Variants in SETDB1 observed in about 807,000 individuals in gnomAD.
The protein encoded by SETDB1 is histone-lysine N-methyltransferase SETDB1.
Under a neutral mutation model 137.4 loss-of-function variants are expected in SETDB1, and 31 were observed. The ratio of observed to expected loss-of-function variants is 0.23; its 90% CI spans 0.17 to 0.30. The LOEUF is 0.30. Among genes scored for constraint, SETDB1 ranks in the 10% least tolerant of loss-of-function variants. SETDB1 has a pLI of 1.00. For missense variants in SETDB1, 1,113 were observed against 1,631.5 expected (o/e 0.68, Z 5.47); for synonymous variants, 548 against 579.9 (o/e 0.95, Z 0.79).
chr1:150,959,116 T>C, intron 14 of SETDB1, 62 bp from the exon 15 acceptor site: 1 of 1,186,406 alleles, frequency 8.4e-7, no homozygotes, highest in Admixed American at 3.0e-5. Context: ...ATAATAGTTT[T>C]ATGGATTTTT....
chr1:150,928,151 G>A (rs368049116), intron 2 of SETDB1, 177 bp downstream of exon 2: 22 of 645,068 alleles, frequency 3.4e-5, no homozygotes, highest in Non-Finnish European at 4.7e-5. Flanking sequence ...TCCACCTCTC[G>A]GGTTCAAGTG....
At chr1:150,951,597 A>G in intron 14 of SETDB1, 116 bp downstream of exon 14, 1 of 572,074 alleles carries the variant, frequency 1.7e-6, no homozygotes, top group East Asian at 2.9e-5. Flanking sequence ...ATAGAATACC[A>G]GATGAGGCAT....
intron 14 of SETDB1, among the ~76,000 whole-genome samples, chr1:150,953,186 G>C (rs587710426): frequency 6.6e-6 from 1 of 152,254 alleles, no homozygotes; most frequent in South Asian, 2.1e-4. Context: ...GAGGCCTGGA[G>C]TTTGAGACCA....
rs1670430950 is a variant in SETDB1 at position 150,949,379 on chromosome 1, C to T, written c.1437C>T (p.Ser479=). ...PQAGDSESLE[S]QLAQSRKQVA... is the part of the protein sequence containing the mutation. The stretch of plus-strand genomic sequence containing the variant: ...TCTAATCTCCTAGAAGCTTGGAAAG[C>T]CAGCTTGCCCAGTCACGGAAGCAGG... The change falls in exon 12 of 22, where the codon AGC becomes AGT. Residue 479 remains serine, a synonymous_variant. Coordinates refer to ENST00000692827, the MANE Select transcript of SETDB1 (RefSeq NM_001366418.1). 2 of 1,614,056 alleles carry T rather than the reference C, an allele frequency of 1.2e-6. No individual in the cohort carries two copies. The highest frequency in any genetic ancestry group is 1.7e-6 in the Non-Finnish European group (2 of 1,180,026).
chr1:150,962,220 G>A, intron 17 of SETDB1, 62 bp downstream of exon 17: 1 of 1,453,822 alleles, frequency 6.9e-7, no homozygotes, highest in South Asian at 1.1e-5. Context: ...CCAGGCTGGA[G>A]TGCAGTGGCG....
At position 150,961,209 on chromosome 1, in the gene SETDB1, ACTCT is replaced by A; in HGVS notation, c.3132+19_3132+22del. On this transcript the variant is annotated intron_variant, in intron 16 of 21. Coordinates refer to ENST00000692827, the MANE Select transcript of SETDB1 (RefSeq NM_001366418.1). ...AGAAAGAGGTAAGCAGTGGCAGAACACTCTGAGAGCTATGGCTTTAACTTTGGTG... is the reference window on the plus strand; with the variant it reads ...AGAAAGAGGTAAGCAGTGGCAGAACAGAGAGCTATGGCTTTAACTTTGGTG... 6.2e-7 allele frequency: 1 copy of A among 1,610,202 alleles called. No homozygotes were observed. The highest frequency in any genetic ancestry group is 8.5e-7 in the Non-Finnish European group (1 of 1,178,908).
At chr1:150,952,422 C>T (rs1670515012) in intron 14 of SETDB1, among the ~76,000 whole-genome samples, 1 of 152,072 alleles carries the variant, frequency 6.6e-6, no homozygotes, top group South Asian at 2.1e-4. Flanking sequence ...GGTAGAGCTA[C>T]AGAATTGGAT....
intron 8 of SETDB1, 31 bp downstream of exon 8, chr1:150,944,024 G>T (rs772767942): frequency 7.1e-7 from 1 of 1,414,160 alleles, no homozygotes; most frequent in African/African-American, 1.4e-5. Context: ...CCTTAGCTCA[G>T]TTTTCTCCTC....
intron 17 of SETDB1, 36 bp downstream of exon 17, chr1:150,962,194 A>T (rs377525180): frequency 1.4e-5 from 22 of 1,600,294 alleles, no homozygotes; most frequent in Non-Finnish European, 1.7e-5. Flanking sequence ...TTTGAGACAG[A>T]GTCTTGCTTT....
Position 150,927,957 on chromosome 1 carries a change from C to T in SETDB1, c.243C>T (p.Leu81=). The stretch of plus-strand genomic sequence containing the variant: ...CTGAGGTGGCTCACGTTGACCAACT[C>T]TTTGATGATGCATCCAGGTGAGAAC... The part of the protein sequence containing the change: ...KESEVAHVDQ[L]FDDASRAVTN... Residue 81 remains leucine, a synonymous_variant, in exon 2 of 22, where the codon CTC becomes CTT. Coordinates refer to ENST00000692827, the MANE Select transcript of SETDB1 (RefSeq NM_001366418.1). 1 of 1,614,202 alleles carries T rather than the reference C, an allele frequency of 6.2e-7. No homozygotes were observed. Among genetic ancestry groups the T allele is most frequent in the Non-Finnish European group, 8.5e-7 (1 of 1,180,012 alleles).
intron 4 of SETDB1, 93 bp from the exon 5 acceptor site, chr1:150,941,236 G>T: frequency 1.4e-6 from 1 of 696,244 alleles, no homozygotes; most frequent in Non-Finnish European, 2.5e-6. Flanking sequence ...ACTCCATTTT[G>T]TTTTGTGAAA....
rs1401117492 is a variant in SETDB1 at position 150,944,888 on chromosome 1, C to T, written c.950-30C>T. On this transcript the variant is annotated intron_variant, in intron 8 of 21. Transcript: ENST00000692827. ...CCCTATCAAGACATGCCCTACCTGC[C>T]CTCTCAGTTCTACTTCTTCCTTGAA... 3 of 1,611,692 alleles carry T rather than the reference C, an allele frequency of 1.9e-6. No homozygotes were observed. In the Admixed American group the frequency reaches 5.0e-5, roughly 27 times the overall value.
chr1:150,949,430 A>T lies in SETDB1; in HGVS notation c.1488A>T (p.Arg496=). Residue 496 remains arginine, a synonymous_variant, in exon 12 of 22, where the codon CGA becomes CGT. Transcript: ENST00000692827. The stretch of plus-strand genomic sequence containing the variant: ...TAGCCAAAAAGAGCACGTCCTTTCG[A>T]CCAGGATCTGTGGGCTCTGGTCATT... ...KQVAKKSTSF[R]PGSVGSGHSS... The T allele has an allele frequency of 6.2e-7, 1 of 1,614,124 alleles. No individual in the cohort carries two copies. The highest frequency in any genetic ancestry group is 8.5e-7 in the Non-Finnish European group (1 of 1,180,024).
Position 150,943,843 on chromosome 1 carries a change from T to C in SETDB1, c.876-77T>C, listed in dbSNP as rs1036794209. On this transcript the variant is annotated intron_variant, in intron 7 of 21. Transcript: ENST00000692827. ...TGTTGTGATCCAGAGAAGTAGAAGC[T>C]ATGATAAAATAATTTCTGTGGATCA... 56 of 874,014 alleles carry C rather than the reference T, an allele frequency of 6.4e-5. No homozygotes were observed. The African/African-American group carries it at 8.0e-4, about 12-fold the overall frequency. The allele number at this position is 874,014 out of a possible 1,614,324, so 54.1% of individuals were successfully genotyped here.
chr1:150,961,831 T>A, intron 16 of SETDB1: 1 of 396,674 alleles, frequency 2.5e-6, no homozygotes, highest in Admixed American at 4.0e-5. Flanking sequence ...ATTTTAAGTA[T>A]CTCTTTGATG....
chr1:150,943,916 A>G lies in SETDB1; in HGVS notation c.876-4A>G, dbSNP rs1231443443. On this transcript the variant is annotated splice_polypyrimidine_tract_variant and splice_region_variant and intron_variant, in intron 7 of 21. Transcript: ENST00000692827. ...ATCTTTCTGCTGTCACTCTTCTTTTATAGGTTTCTCATTTTCTTTGATGAT... is the reference window on the plus strand; with the variant it reads ...ATCTTTCTGCTGTCACTCTTCTTTTGTAGGTTTCTCATTTTCTTTGATGAT... 2 of 1,595,058 alleles carry G rather than the reference A, an allele frequency of 1.3e-6. No individual in the cohort carries two copies. Among genetic ancestry groups the G allele is most frequent in the African/African-American group, 2.7e-5 (2 of 74,468 alleles).
At chr1:150,948,591 C>CT (rs1392365876) in intron 10 of SETDB1, among the ~76,000 whole-genome samples, 1 of 151,894 alleles carries the variant, frequency 6.6e-6, no homozygotes, top group Non-Finnish European at 1.5e-5. Context: ...TATTCCTTTA[C>CT]TTTGTGAATA....
intron 14 of SETDB1, among the ~76,000 whole-genome samples, chr1:150,954,795 AT>A (rs1670594601): frequency 1.3e-5 from 2 of 152,256 alleles, no homozygotes; most frequent in Non-Finnish European, 2.9e-5. Flanking sequence ...GGCTAAATAC[AT>A]TTTTTTAGAC....
intron 10 of SETDB1, 56 bp downstream of exon 10, chr1:150,947,068 A>G (rs758429320): frequency 6.3e-5 from 101 of 1,596,882 alleles, no homozygotes; most frequent in Middle Eastern, 3.3e-4. Context: ...AGCAAAGGAG[A>G]TTATATACAA....
Sources: allele counts gnomAD v4.1 joint callset (sites outside exome capture counted in the v4.1 genomes callset), GRCh38; gene constraint gnomAD v4.1.1; transcripts MANE v1.5; gene names NCBI Gene and HGNC (gene_info 2026-07-23, HGNC 2026-07-21).